Variants in APP observed in about 807,000 individuals in gnomAD.
APP encodes amyloid beta precursor protein, also known as amyloid-beta precursor protein.
APP carries 31 observed loss-of-function variants against 101.4 expected under a neutral mutation model. The observed-to-expected ratio is 0.31, with a 90% CI of 0.23 to 0.41. The LOEUF (loss-of-function observed/expected upper bound fraction) is 0.41, where lower values mean the gene tolerates loss of function less well. Among genes scored for constraint, APP ranks in the 10% least tolerant of loss-of-function variants. The probability of loss-of-function intolerance (pLI) is 1.00; values close to 1 mark genes in which losing one functional copy is unlikely to be tolerated. For synonymous variants in APP, 366 were observed against 364.4 expected (o/e 1.00, Z -0.05); for missense variants, 839 against 1,003.7 (o/e 0.84, Z 2.22).
intron 17 of APP, among the ~76,000 whole-genome samples, chr21:25,891,198 T>C (rs879775974): frequency 6.6e-5 from 10 of 152,160 alleles, no homozygotes; most frequent in Non-Finnish European, 1.2e-4. Flanking sequence ...TGGTGGGCCA[T>C]TTGGTATAGT....
intron 2 of APP, among the ~76,000 whole-genome samples, chr21:26,092,290 A>G (rs894022112): frequency 6.6e-6 from 1 of 152,240 alleles, no homozygotes; most frequent in African/African-American, 2.4e-5. Context: ...GAATGAATAA[A>G]TAACACTGTG....
rs1454914053 is a variant in APP at position 26,000,202 on chromosome 21, G to A, written c.866-20C>T. 1.9e-6 allele frequency: 3 copies of A among 1,613,894 alleles called. No individual in the cohort carries two copies. In the South Asian group the frequency reaches 3.3e-5, roughly 18 times the overall value. The stretch of plus-strand genomic sequence containing the variant: ...ACACCTCTAATCAGAGGAGATGTGG[G>A]GAACCACATTTAGCATGAAAAGGCA... On this transcript the variant is annotated intron_variant, in intron 6 of 17. Coordinates refer to ENST00000346798, the MANE Select transcript of APP (RefSeq NM_000484.4).
chr21:25,984,982 A>AT (rs2042583982), intron 8 of APP, among the ~76,000 whole-genome samples: 1 of 152,130 alleles, frequency 6.6e-6, no homozygotes, highest in Non-Finnish European at 1.5e-5. Context: ...TAAGAAGGAA[A>AT]TTTTTTCAGC....
At chr21:26,035,371 G>GC (rs1172389344) in intron 5 of APP, among the ~76,000 whole-genome samples, 1 of 152,148 alleles carries the variant, frequency 6.6e-6, no homozygotes, top group African/African-American at 2.4e-5. Context: ...AGATCTGTCA[G>GC]CCCGGGGGTT....
At chr21:25,985,981 T>A (rs2042621001) in intron 8 of APP, among the ~76,000 whole-genome samples, 1 of 152,306 alleles carries the variant, frequency 6.6e-6, no homozygotes, top group South Asian at 2.1e-4. Flanking sequence ...CTGCAGCTGG[T>A]GAGGATCCCG....
chr21:26,145,891 A>G lies in APP; in HGVS notation c.57+24673T>C, dbSNP rs1426711647. Among the ~76,000 whole-genome samples, 3 of 151,344 alleles carry G rather than the reference A, an allele frequency of 2.0e-5. No individual in the cohort carries two copies. In the East Asian group the frequency reaches 5.8e-4, roughly 29 times the overall value. On this transcript the variant is annotated intron_variant, in intron 1 of 17. Transcript: ENST00000346798. Reference sequence around the variant, plus strand: ...TGGTTATGCCCACTTTTAATGTATCAGCATAATATTCTACTGTATAAGAGT... The same window carrying G: ...TGGTTATGCCCACTTTTAATGTATCGGCATAATATTCTACTGTATAAGAGT...
intron 3 of APP, among the ~76,000 whole-genome samples, chr21:26,087,358 C>T (rs2830048): frequency 4.6e-5 from 7 of 152,008 alleles, no homozygotes; most frequent in Admixed American, 2.0e-4. Flanking sequence ...TGATTCAACA[C>T]GCCAAGTACC....
At chr21:26,010,859 C>CAA (rs145744125) in intron 6 of APP, among the ~76,000 whole-genome samples, 1 of 114,526 alleles carries the variant, frequency 8.7e-6, no homozygotes, top group Non-Finnish European at 1.9e-5. Flanking sequence ...AACAACAAAA[C>CAA]AAAAAAAACA....
At chr21:25,889,666 C>T (rs569958496) in intron 17 of APP, among the ~76,000 whole-genome samples, 15 of 152,234 alleles carry the variant, frequency 9.9e-5, no homozygotes, top group African/African-American at 3.4e-4. Context: ...CATGGCAAAA[C>T]CCTGTCTCTA....
intron 6 of APP, among the ~76,000 whole-genome samples, chr21:26,001,064 ATTTGTATAT>A (rs2043273546): frequency 6.6e-6 from 1 of 152,186 alleles, no homozygotes; most frequent in Non-Finnish European, 1.5e-5. Flanking sequence ...AATCTGTATT[ATTTGTATAT>A]TTTGTATATT....
chr21:26,105,152 A>G (rs1318429462), intron 2 of APP, among the ~76,000 whole-genome samples: 3 of 152,134 alleles, frequency 2.0e-5, no homozygotes, highest in South Asian at 4.1e-4. Flanking sequence ...GCTGAATCAA[A>G]CACCCATCAA....
At chr21:26,159,031 A>G (rs1257344880) in intron 1 of APP, among the ~76,000 whole-genome samples, 1 of 152,250 alleles carries the variant, frequency 6.6e-6, no homozygotes, top group African/African-American at 2.4e-5. Flanking sequence ...CAGTATGTCC[A>G]TAAAATGAAT....
intron 5 of APP, among the ~76,000 whole-genome samples, chr21:26,038,695 C>T (rs566779826): frequency 7.1e-4 from 108 of 152,078 alleles, no homozygotes; most frequent in Non-Finnish European, 1.2e-3. Flanking sequence ...ACTCAGGAGA[C>T]GGAGGTTGCA....
chr21:26,006,246 T>C (rs557516045), intron 6 of APP, among the ~76,000 whole-genome samples: 3 of 152,216 alleles, frequency 2.0e-5, no homozygotes, highest in African/African-American at 7.2e-5. Context: ...CAATCCTTTA[T>C]TGATGTTGAA....
intron 1 of APP, among the ~76,000 whole-genome samples, chr21:26,129,664 G>A (rs913446427): frequency 2.0e-5 from 3 of 152,074 alleles, no homozygotes; most frequent in Admixed American, 6.6e-5. Context: ...AAAGTGACAC[G>A]AAGTATAGAC....
intron 6 of APP, among the ~76,000 whole-genome samples, chr21:26,002,198 C>T (rs937031504): frequency 7.9e-5 from 12 of 152,190 alleles, no homozygotes; most frequent in African/African-American, 1.7e-4. Context: ...TCTTCATGTC[C>T]GTTGCATGGC....
intron 1 of APP, among the ~76,000 whole-genome samples, chr21:26,159,679 C>T (rs2063450763): frequency 6.6e-6 from 1 of 152,186 alleles, no homozygotes; most frequent in Non-Finnish European, 1.5e-5. Context: ...TCTAAGAATG[C>T]ATCCAATGTC....
At chr21:26,040,112 A>G (rs1166411041) in intron 5 of APP, among the ~76,000 whole-genome samples, 1 of 152,216 alleles carries the variant, frequency 6.6e-6, no homozygotes, top group Non-Finnish European at 1.5e-5. Context: ...CCTGAAGGCA[A>G]TTTTATACAA....
chr21:26,103,454 G>C (rs2062109444), intron 2 of APP, among the ~76,000 whole-genome samples: 1 of 94,136 alleles, frequency 1.1e-5, no homozygotes, highest in South Asian at 4.8e-4. Context: ...ACAAAAATTA[G>C]CCACATGTGG....
Sources: gnomAD v4.1 joint callset for allele counts (sites outside exome capture counted in the v4.1 genomes callset) on GRCh38, gnomAD v4.1.1 for gene constraint, MANE v1.5 for transcripts, NCBI Gene and HGNC (gene_info 2026-07-23, HGNC 2026-07-21) for gene names.